Variants in CNTNAP3B observed in about 807,000 individuals in gnomAD.
The protein encoded by CNTNAP3B is contactin associated protein family member 3B, also known as contactin-associated protein-like 3B.
Under a neutral mutation model 108.9 loss-of-function variants are expected in CNTNAP3B, and 25 were observed. That is an observed-to-expected ratio of 0.23 (90% CI 0.17 to 0.32). The LOEUF (loss-of-function observed/expected upper bound fraction) is 0.32. Ranked by LOEUF, CNTNAP3B falls within the 10% of genes least tolerant of loss-of-function variation. The probability of loss-of-function intolerance (pLI) is 1.00; values close to 1 mark genes in which losing one functional copy is unlikely to be tolerated. For synonymous variants in CNTNAP3B, 103 were observed against 473.4 expected, an observed-to-expected ratio of 0.22 and a Z score of 10.16; for missense variants, 252 against 1,210.4, an observed-to-expected ratio of 0.21 and a Z score of 11.75.
chr9:41,916,875 G>A (rs1283243357), intron 18 of CNTNAP3B, among the ~76,000 whole-genome samples: 4 of 149,650 alleles, frequency 2.7e-5, no homozygotes, highest in East Asian at 3.9e-4. Flanking sequence ...TTATCTCACT[G>A]TCCTTTGGCC....
intron 3 of CNTNAP3B, among the ~76,000 whole-genome samples, chr9:42,055,119 TTA>T (rs1281680601): frequency 2.2e-5 from 3 of 138,826 alleles, no homozygotes; most frequent in African/African-American, 8.6e-5. Flanking sequence ...CTACTTATTA[TTA>T]TTTTTTACAT....
chr9:42,112,614 G>C (rs1225816855), intron 1 of CNTNAP3B, among the ~76,000 whole-genome samples: 1 of 137,136 alleles, frequency 7.3e-6, no homozygotes, highest in African/African-American at 2.9e-5. Flanking sequence ...CTATAAATTA[G>C]AATTTACAGG....
At chr9:41,919,336 G>A (rs1823605501) in intron 18 of CNTNAP3B, among the ~76,000 whole-genome samples, 2 of 152,010 alleles carry the variant, frequency 1.3e-5, no homozygotes. Flanking sequence ...GGCTGGTCTT[G>A]AATTCCTGAC....
chr9:41,951,221 A>G (rs1238362662), intron 13 of CNTNAP3B, among the ~76,000 whole-genome samples: 3 of 147,384 alleles, frequency 2.0e-5, no homozygotes, highest in Admixed American at 7.0e-5. Context: ...AAGTGTATGT[A>G]AATCTACAAT....
At chr9:42,070,786 G>C (rs1289473382) in intron 3 of CNTNAP3B, among the ~76,000 whole-genome samples, 1 of 152,120 alleles carries the variant, frequency 6.6e-6, no homozygotes, top group Non-Finnish European at 1.5e-5. Context: ...ACTCACATTT[G>C]CTCCAGTCAG....
chr9:42,089,762 A>C lies in CNTNAP3B; in HGVS notation c.197-12700T>G, dbSNP rs547533838. ...TATGAGGAGTGGAGGGAAAAGATCCAATATGTTTCCATTTGCTCTGTGTTT... is the reference window on the plus strand; with the variant it reads ...TATGAGGAGTGGAGGGAAAAGATCCCATATGTTTCCATTTGCTCTGTGTTT... On this transcript the variant is annotated intron_variant, in intron 2 of 23. Transcript: ENST00000377561. Among the ~76,000 whole-genome samples the C allele has an allele frequency of 5.5e-5, 8 of 145,876 alleles. No homozygotes were observed. In the South Asian group the frequency reaches 1.5e-3, roughly 28 times the overall value.
chr9:41,952,214 T>G (rs1435577811), intron 13 of CNTNAP3B, among the ~76,000 whole-genome samples: 1 of 152,218 alleles, frequency 6.6e-6, no homozygotes, highest in Non-Finnish European at 1.5e-5. Flanking sequence ...TTAAAGATTT[T>G]GTATTGAAAA....
intron 11 of CNTNAP3B, among the ~76,000 whole-genome samples, chr9:41,964,318 T>C (rs1825197871): frequency 2.0e-5 from 3 of 152,216 alleles, no homozygotes; most frequent in Admixed American, 2.0e-4. Flanking sequence ...TGCTTGCCAG[T>C]TTCTTTTTTT....
intron 14 of CNTNAP3B, among the ~76,000 whole-genome samples, chr9:41,937,801 G>A (rs1280230065): frequency 2.0e-5 from 3 of 151,918 alleles, no homozygotes; most frequent in African/African-American, 4.8e-5. Flanking sequence ...TTTTATGCAG[G>A]ACCTCTCAGA....
intron 2 of CNTNAP3B, among the ~76,000 whole-genome samples, chr9:42,095,988 C>T (rs1305605234): frequency 1.4e-5 from 2 of 138,234 alleles, no homozygotes; most frequent in Non-Finnish European, 3.1e-5. Context: ...TTTTGGTGAC[C>T]CTTTCTCCTC....
intron 1 of CNTNAP3B, among the ~76,000 whole-genome samples, chr9:42,109,559 T>A (rs1828148125): frequency 6.9e-6 from 1 of 145,898 alleles, no homozygotes; most frequent in South Asian, 2.1e-4. Flanking sequence ...AGCTTTACAT[T>A]CAAATGAGGA....
chr9:41,919,078 A>G (rs1157579924), intron 18 of CNTNAP3B, among the ~76,000 whole-genome samples: 1 of 152,286 alleles, frequency 6.6e-6, no homozygotes, highest in African/African-American at 2.4e-5. Flanking sequence ...AGTATTATAA[A>G]TATATTAAAT....
chr9:42,076,073 A>G (rs1414333974), intron 3 of CNTNAP3B, among the ~76,000 whole-genome samples: 1 of 79,658 alleles, frequency 1.3e-5, no homozygotes, highest in Non-Finnish European at 2.5e-5. Context: ...CACTGTTATG[A>G]GGATATTTAC....
At chr9:42,044,559 G>A (rs200982897) in intron 3 of CNTNAP3B, among the ~76,000 whole-genome samples, 13,519 of 55,326 alleles carry the variant, frequency 0.24, 871 homozygotes, top group East Asian at 0.42. Context: ...CACTCCCTGG[G>A]CTAGGAAACA....
At chr9:41,924,977 G>A (rs1422652448) in intron 15 of CNTNAP3B, among the ~76,000 whole-genome samples, 2 of 151,910 alleles carry the variant, frequency 1.3e-5, no homozygotes, top group African/African-American at 4.8e-5. Flanking sequence ...CAGAAGGGCT[G>A]CTGTGTTCTC....
intron 13 of CNTNAP3B, among the ~76,000 whole-genome samples, chr9:41,940,282 G>A (rs1211096887): frequency 1.3e-5 from 2 of 152,390 alleles, no homozygotes; most frequent in South Asian, 2.1e-4. Context: ...CAAAAATATC[G>A]ACACCAAGAT....
intron 10 of CNTNAP3B, among the ~76,000 whole-genome samples, chr9:41,966,200 C>T (rs1356654294): frequency 2.0e-5 from 3 of 152,304 alleles, no homozygotes; most frequent in South Asian, 2.1e-4. Context: ...CCCTCCTCCC[C>T]TTCCTTCTTA....
At chr9:41,926,668 G>C (rs1475236512) in intron 15 of CNTNAP3B, 1 of 152,448 alleles carries the variant, frequency 6.6e-6, no homozygotes, top group East Asian at 1.9e-4. Flanking sequence ...TCTTGTCCGG[G>C]CTTGTGTTGA....
intron 13 of CNTNAP3B, among the ~76,000 whole-genome samples, chr9:41,944,544 T>C (rs1824465517): frequency 6.6e-6 from 1 of 152,268 alleles, no homozygotes; most frequent in Admixed American, 6.5e-5. Context: ...AGAAATGTAA[T>C]TAATATTCTA....
Sources: gnomAD v4.1 joint callset for allele counts (sites outside exome capture counted in the v4.1 genomes callset) on GRCh38, gnomAD v4.1.1 for gene constraint, MANE v1.5 for transcripts, NCBI Gene and HGNC (gene_info 2026-07-23, HGNC 2026-07-21) for gene names.